Variants in ARHGAP22 observed in about 807,000 individuals in gnomAD.
ARHGAP22 encodes the protein rho GTPase-activating protein 22.
Under a neutral mutation model 59.1 loss-of-function variants are expected in ARHGAP22, and 48 were observed. That is an observed-to-expected ratio of 0.81 (90% CI 0.64 to 1.03). The LOEUF is 1.03. Ranked by LOEUF, ARHGAP22 falls within the 50% of genes least tolerant of loss-of-function variation. The pLI is 0.00. For synonymous variants in ARHGAP22, 445 were observed against 416.4 expected (o/e 1.07, Z -0.84); for missense variants, 1,015 against 958.7 (o/e 1.06, Z -0.78).
intron 3 of ARHGAP22, among the ~76,000 whole-genome samples, chr10:48,531,165 T>C (rs182010259): frequency 1.3e-5 from 2 of 152,086 alleles, no homozygotes; most frequent in South Asian, 4.1e-4. Flanking sequence ...GTGAAGTAAC[T>C]CAGGAATGGA....
At chr10:48,641,372 G>T (rs898769541) in intron 1 of ARHGAP22, among the ~76,000 whole-genome samples, 1 of 152,046 alleles carries the variant, frequency 6.6e-6, no homozygotes, top group East Asian at 1.9e-4. Flanking sequence ...GACACAAACT[G>T]GTTAAAAGAA....
intron 3 of ARHGAP22, among the ~76,000 whole-genome samples, chr10:48,494,628 CATCCACCCATCT>C (rs2050741809): frequency 2.0e-5 from 3 of 152,166 alleles, no homozygotes; most frequent in African/African-American, 7.2e-5. Flanking sequence ...TCCGTCCATC[CATCCACCCATCT>C]ATCCATCCAC....
chr10:48,494,167 G>A (rs980990045), intron 3 of ARHGAP22, among the ~76,000 whole-genome samples: 2 of 133,056 alleles, frequency 1.5e-5, no homozygotes, highest in Non-Finnish European at 3.3e-5. Context: ...TAGACACATG[G>A]TCTGTGTCAC....
intron 1 of ARHGAP22, among the ~76,000 whole-genome samples, chr10:48,587,434 A>G (rs1348042158): frequency 6.6e-6 from 1 of 152,150 alleles, no homozygotes; most frequent in Non-Finnish European, 1.5e-5. Context: ...AATTCCTTCA[A>G]TGGGTTGAGA....
chr10:48,569,468 A>G (rs1564901396), intron 2 of ARHGAP22, among the ~76,000 whole-genome samples: 1 of 152,236 alleles, frequency 6.6e-6, no homozygotes. Context: ...ACAATGAAAC[A>G]TAAGTTATGC....
intron 5 of ARHGAP22, among the ~76,000 whole-genome samples, chr10:48,455,831 G>A (rs998763356): frequency 6.6e-6 from 1 of 152,214 alleles, no homozygotes; most frequent in African/African-American, 2.4e-5. Flanking sequence ...AGGTATCCGG[G>A]GACCAACAGC....
At chr10:48,493,838 C>A (rs956582062) in intron 3 of ARHGAP22, among the ~76,000 whole-genome samples, 1 of 152,150 alleles carries the variant, frequency 6.6e-6, no homozygotes, top group Non-Finnish European at 1.5e-5. Flanking sequence ...GGGGGAGTGT[C>A]CATCCTATTT....
At chr10:48,468,208 G>A (rs181622792) in intron 4 of ARHGAP22, among the ~76,000 whole-genome samples, 299 of 152,318 alleles carry the variant, frequency 2.0e-3, no homozygotes, top group African/African-American at 7.0e-3. Context: ...GACCATGGAT[G>A]TGGTTGGCTG....
chr10:48,568,697 C>CG (rs943074239), intron 2 of ARHGAP22, among the ~76,000 whole-genome samples: 1 of 152,224 alleles, frequency 6.6e-6, no homozygotes, highest in African/African-American at 2.4e-5. Flanking sequence ...CAGAGCCTGC[C>CG]GGCTGGGTGT....
At chr10:48,447,042 T>C (rs986224073) in intron 9 of ARHGAP22, among the ~76,000 whole-genome samples, 7 of 152,032 alleles carry the variant, frequency 4.6e-5, no homozygotes, top group African/African-American at 1.7e-4. Flanking sequence ...CCCCACACTG[T>C]CCCCATGATC....
At chr10:48,642,676 G>A (rs1357136389) in intron 1 of ARHGAP22, among the ~76,000 whole-genome samples, 1 of 152,160 alleles carries the variant, frequency 6.6e-6, no homozygotes, top group Admixed American at 6.5e-5. Flanking sequence ...ACATAGGCAT[G>A]GGCAAGGACT....
chr10:48,651,852 G>A (rs1565063878), intron 1 of ARHGAP22, among the ~76,000 whole-genome samples: 2 of 152,080 alleles, frequency 1.3e-5, no homozygotes, highest in East Asian at 3.9e-4. Flanking sequence ...CCCCTTGGCT[G>A]GATCCTTTCC....
upstream of ARHGAP22, among the ~76,000 whole-genome samples, chr10:48,655,248 T>TG (rs2062763955): frequency 6.3e-5 from 7 of 110,240 alleles, no homozygotes; most frequent in African/African-American, 2.0e-4. Context: ...TGGATGTGTG[T>TG]GTGTGTGTGG....
intron 3 of ARHGAP22, among the ~76,000 whole-genome samples, chr10:48,483,366 G>A (rs536493052): frequency 3.3e-5 from 5 of 152,190 alleles, no homozygotes; most frequent in East Asian, 1.9e-4. Context: ...TGCAACCTCC[G>A]GCATAAATGG....
At chr10:48,480,340 C>T (rs1294635552) in intron 3 of ARHGAP22, among the ~76,000 whole-genome samples, 1 of 152,202 alleles carries the variant, frequency 6.6e-6, no homozygotes, top group East Asian at 1.9e-4. Context: ...GCAGAAGGAT[C>T]GGAAAACTCA....
At position 48,604,898 on chromosome 10, in the gene ARHGAP22, CG is replaced by C; in HGVS notation, c.-103del. 3 of 1,591,872 alleles carry C rather than the reference CG, an allele frequency of 1.9e-6. No homozygotes were observed. The highest frequency in any genetic ancestry group is 2.3e-5 in the East Asian group (1 of 43,430). ...AGTCGCCCCTCATGTCCTGCTCGTT[CG>C]GGGCCCCGTGGCCGCTGGCGTCACC... On this transcript the variant is annotated 5_prime_UTR_variant, in exon 1 of 10. Transcript: ENST00000249601.
At chr10:48,647,106 C>A (rs921285989) in intron 1 of ARHGAP22, among the ~76,000 whole-genome samples, 1 of 152,132 alleles carries the variant, frequency 6.6e-6, no homozygotes, top group Non-Finnish European at 1.5e-5. Context: ...AGAAGACATA[C>A]AAACAGGCTG....
At chr10:48,567,824 T>TGA (rs926444453) in intron 2 of ARHGAP22, among the ~76,000 whole-genome samples, 113 of 151,898 alleles carry the variant, frequency 7.4e-4, no homozygotes, top group African/African-American at 2.7e-3. Context: ...ATTACTACAG[T>TGA]GAGAGGTAAA....
intron 6 of ARHGAP22, among the ~76,000 whole-genome samples, chr10:48,454,387 G>A (rs1204087438): frequency 1.3e-5 from 2 of 152,182 alleles, no homozygotes; most frequent in African/African-American, 4.8e-5. Flanking sequence ...TGAGGGGTGA[G>A]CCTCTACAGG....
Sources: allele counts gnomAD v4.1 joint callset (sites outside exome capture counted in the v4.1 genomes callset), GRCh38; gene constraint gnomAD v4.1.1; transcripts MANE v1.5; gene names NCBI Gene and HGNC (gene_info 2026-07-23, HGNC 2026-07-21).